Variants in LEF1 observed in about 807,000 individuals in gnomAD.
The protein encoded by LEF1 is lymphoid enhancer binding factor 1.
In LEF1, 14 loss-of-function variants were observed where a neutral mutation model predicts 51.2. The ratio of observed to expected loss-of-function variants is 0.27; its 90% CI spans 0.18 to 0.43. The LOEUF is 0.43. Ranked by LOEUF, LEF1 falls within the 20% of genes least tolerant of loss-of-function variation. The pLI is 1.00. For missense variants in LEF1, 386 were observed against 512.0 expected, an observed-to-expected ratio of 0.75 and a Z score of 2.37; for synonymous variants, 185 against 183.2, an observed-to-expected ratio of 1.01 and a Z score of -0.08.
intron 3 of LEF1, among the ~76,000 whole-genome samples, chr4:108,149,446 G>C (rs1303626477): frequency 3.5e-5 from 2 of 56,786 alleles, no homozygotes; most frequent in Non-Finnish European, 7.7e-5. Context: ...GCGACAGAGC[G>C]AGACTCCGTC....
rs1307164339 is a variant in LEF1 at position 108,168,600 on chromosome 4, T to C, written c.-833A>G. On this transcript the variant is annotated 5_prime_UTR_variant, in exon 1 of 12. Transcript: ENST00000265165. This position sits in a 1 kb window ranked among gnomAD's most constrained non-coding sequence, Gnocchi z 4.6. ...CCGCAGTGGAGGGCACTGCGGAGTC[T>C]CGGGGAGTCACAGCGGGGGCCTCGG... The C allele has an allele frequency of 1.3e-5, 2 of 152,094 alleles. No homozygotes were observed. Among genetic ancestry groups the C allele is most frequent in the Admixed American group, 6.5e-5 (1 of 15,284 alleles). 9.4% of individuals were successfully genotyped at this position (152,094 alleles called of 1,614,324 possible). A position where few individuals can be genotyped will look rare whatever the true frequency, so the allele number is the denominator to read the frequency against.
intron 3 of LEF1, among the ~76,000 whole-genome samples, chr4:108,134,353 G>A (rs1191094459): frequency 3.9e-5 from 6 of 152,138 alleles, no homozygotes; most frequent in Non-Finnish European, 8.8e-5. Context: ...GCCTCCACAC[G>A]TCATACTTCT....
intron 3 of LEF1, among the ~76,000 whole-genome samples, chr4:108,152,692 G>C (rs1010319164): frequency 6.6e-6 from 1 of 152,204 alleles, no homozygotes; most frequent in African/African-American, 2.4e-5. Context: ...AGAATCAATG[G>C]AGAGTTTGTT....
At chr4:108,135,421 G>A (rs1197523037) in intron 3 of LEF1, among the ~76,000 whole-genome samples, 1 of 152,238 alleles carries the variant, frequency 6.6e-6, no homozygotes, top group Non-Finnish European at 1.5e-5. Flanking sequence ...AGGGTAGGAG[G>A]AGGCAAATGA....
intron 3 of LEF1, among the ~76,000 whole-genome samples, chr4:108,136,248 C>T (rs922168): frequency 0.27 from 41,343 of 152,058 alleles, 6,487 homozygotes; most frequent in East Asian, 0.64. Context: ...TAAAATTTCA[C>T]GTGGTGTTGG....
At chr4:108,164,741 G>A (rs193002077) in intron 2 of LEF1, among the ~76,000 whole-genome samples, 2 of 151,950 alleles carry the variant, frequency 1.3e-5, no homozygotes, top group African/African-American at 4.8e-5. Context: ...AAAATAAATC[G>A]ATATATACTG....
chr4:108,135,590 G>C (rs1387423525), intron 3 of LEF1, among the ~76,000 whole-genome samples: 1 of 152,172 alleles, frequency 6.6e-6, no homozygotes, highest in African/African-American at 2.4e-5. Flanking sequence ...GAGGTACAGT[G>C]CTGTGTCTGC....
At chr4:108,048,774 G>C in intron 11 of LEF1, 23 bp from the exon 12 acceptor site, 2 of 1,567,124 alleles carry the variant, frequency 1.3e-6, no homozygotes, top group Non-Finnish European at 1.7e-6. Context: ...CAAATGAAAT[G>C]CTATTAATAT....
intron 3 of LEF1, among the ~76,000 whole-genome samples, chr4:108,134,630 A>G (rs1005437814): frequency 6.6e-6 from 1 of 152,262 alleles, no homozygotes; most frequent in Non-Finnish European, 1.5e-5. Flanking sequence ...AAACAGGATA[A>G]AAAAGAGCAC....
intron 3 of LEF1, among the ~76,000 whole-genome samples, chr4:108,135,049 G>C (rs1435749493): frequency 6.6e-6 from 1 of 152,196 alleles, no homozygotes; most frequent in South Asian, 2.1e-4. Context: ...ATTGAGAAGG[G>C]GGGTGCTAAT....
At chr4:108,122,866 A>C (rs1472679024) in intron 3 of LEF1, among the ~76,000 whole-genome samples, 1 of 152,214 alleles carries the variant, frequency 6.6e-6, no homozygotes, top group African/African-American at 2.4e-5. Flanking sequence ...ATTAAATAAA[A>C]GTAAATATTC....
chr4:108,065,894 A>C (rs1232211396), intron 9 of LEF1, among the ~76,000 whole-genome samples: 1 of 151,996 alleles, frequency 6.6e-6, no homozygotes, highest in African/African-American at 2.4e-5. Flanking sequence ...TCTTGCTCTC[A>C]TAACAATAAT....
At chr4:108,115,846 TACACACACACACACAC>T (rs55839332) in intron 3 of LEF1, among the ~76,000 whole-genome samples, 1 of 139,272 alleles carries the variant, frequency 7.2e-6, no homozygotes, top group Admixed American at 7.2e-5. Flanking sequence ...ATGTAACACA[TACACACACACACACAC>T]ACACACACAC....
intron 3 of LEF1, among the ~76,000 whole-genome samples, chr4:108,112,097 T>C (rs750576465): frequency 2.0e-5 from 3 of 152,078 alleles, no homozygotes; most frequent in Admixed American, 6.5e-5. Context: ...CAAAAAACAG[T>C]GGTAATGACC....
In LEF1 at chr4:108,127,752, T is replaced by C. The variant is rs568453466; in HGVS notation, c.414+35816A>G. ...CAGGAAAATTACAGTCAAGAGAACT[T>C]AGAGATGCAACAGGGGGGTATGTAG... On this transcript the variant is annotated intron_variant, in intron 3 of 11. Transcript: ENST00000265165. Among the ~76,000 whole-genome samples, 8 of 152,284 alleles carry C rather than the reference T, an allele frequency of 5.3e-5. 1 individual carries two copies. In the South Asian group the frequency reaches 1.7e-3, roughly 32 times the overall value.
At chr4:108,118,996 C>T (rs1354033108) in intron 3 of LEF1, among the ~76,000 whole-genome samples, 2 of 151,342 alleles carry the variant, frequency 1.3e-5, no homozygotes, top group East Asian at 3.9e-4. Flanking sequence ...TGTGAGGGAA[C>T]TATACCGCAC....
rs1045893984 is a variant in LEF1, at chr4:108,146,185, C to T, written c.414+17383G>A. On this transcript the variant is annotated intron_variant, in intron 3 of 11. Transcript: ENST00000265165. ...TGTTGCTTAGTCTTTGTCCACGTAG[C>T]GACCTTGTGACTTTAAAACACTAAA... Among the ~76,000 whole-genome samples, 10 of 152,288 alleles carry T rather than the reference C, an allele frequency of 6.6e-5. 1 individual carries two copies. The highest frequency in any genetic ancestry group is 5.9e-4 in the Admixed American group (9 of 15,294).
intron 11 of LEF1, among the ~76,000 whole-genome samples, chr4:108,055,997 C>T (rs1231193595): frequency 6.6e-6 from 1 of 152,178 alleles, no homozygotes; most frequent in African/African-American, 2.4e-5. Context: ...GGCTGCTGTC[C>T]AGCTCTCCTC....
chr4:108,118,458 C>T (rs1366372752), intron 3 of LEF1, among the ~76,000 whole-genome samples: 4 of 152,180 alleles, frequency 2.6e-5, no homozygotes. Flanking sequence ...TATAGTTAAA[C>T]TAACATGAAG....
Sources: gnomAD v4.1 joint callset for allele counts (sites outside exome capture counted in the v4.1 genomes callset) on GRCh38, gnomAD v4.1.1 for gene constraint, Gnocchi (gnomAD v3.1) non-coding constraint, MANE v1.5 for transcripts, NCBI Gene and HGNC (gene_info 2026-07-23, HGNC 2026-07-21) for gene names.